The following SORBS3 variants were observed in gnomAD, a reference collection of about 807,000 sequenced individuals.
SORBS3 encodes the protein vinexin.
A neutral mutation model predicts 98.0 loss-of-function variants in SORBS3; 69 were observed. The ratio of observed to expected loss-of-function variants is 0.70; its 90% CI spans 0.58 to 0.86. SORBS3 has a LOEUF of 0.86. Ranked by LOEUF, SORBS3 falls within the 40% of genes least tolerant of loss-of-function variation. The pLI is 0.00. For synonymous variants in SORBS3, 394 were observed against 355.4 expected (o/e 1.11, Z -1.22); for missense variants, 954 against 908.5 (o/e 1.05, Z -0.64).
At chr8:22,569,849 G>T (rs1237026843) in intron 17 of SORBS3, among the ~76,000 whole-genome samples, 3 of 151,922 alleles carry the variant, frequency 2.0e-5, no homozygotes, top group African/African-American at 7.3e-5. Flanking sequence ...AGTAATTTTG[G>T]TCCATTTTTA....
chr8:22,565,624 C>T (rs916696683), intron 11 of SORBS3: 67 of 1,040,038 alleles, frequency 6.4e-5, no homozygotes, highest in Admixed American at 1.3e-4. Flanking sequence ...CCGTCCGGCC[C>T]CCGGGCCCCA....
At chr8:22,549,011 A>C (rs1448648641), upstream of SORBS3, among the ~76,000 whole-genome samples, 1 of 152,184 alleles carries the variant, frequency 6.6e-6, no homozygotes, top group African/African-American at 2.4e-5. Context: ...ACCCCTGTTG[A>C]CGGTGATGTT....
chr8:22,564,211 G>C, intron 8 of SORBS3, 72 bp from the exon 9 acceptor site: 1 of 1,506,618 alleles, frequency 6.6e-7, no homozygotes, highest in Non-Finnish European at 9.1e-7. Flanking sequence ...GGGCCTGCAA[G>C]CCTGCATTTT....
In SORBS3 at chr8:22,574,852, G is replaced by T; in HGVS notation, c.*124G>T. 1 of 941,650 alleles carries T rather than the reference G, an allele frequency of 1.1e-6. No individual in the cohort carries two copies. The highest frequency in any genetic ancestry group is 1.3e-5 in the South Asian group (1 of 76,984). The allele number at this position is 941,650 out of a possible 1,614,324, so 58.3% of individuals were successfully genotyped here. ...ACCTGAGCTCCCAGCATCTGCAGAC[G>T]ACCCCCGCAGCCTTTCCCTCGGACC... On this transcript the variant is annotated 3_prime_UTR_variant, in exon 21 of 21. Transcript: ENST00000240123.
chr8:22,562,040 C>A, intron 7 of SORBS3, 109 bp downstream of exon 7: 1 of 1,022,174 alleles, frequency 9.8e-7, no homozygotes, highest in South Asian at 1.3e-5. Context: ...GGAGCCCAGC[C>A]AGGAGTGGGG....
chr8:22,548,346 G>A (rs1041780513), upstream of SORBS3, among the ~76,000 whole-genome samples: 4 of 152,114 alleles, frequency 2.6e-5, no homozygotes, highest in Non-Finnish European at 5.9e-5. Flanking sequence ...AGAAAGGGAT[G>A]GAGCCCAGGG....
At chr8:22,552,650 C>A (rs577186281) in intron 1 of SORBS3, among the ~76,000 whole-genome samples, 7 of 152,142 alleles carry the variant, frequency 4.6e-5, no homozygotes, top group Non-Finnish European at 5.9e-5. Context: ...TCACCGAGCA[C>A]GAGGTGGGCG....
chr8:22,574,370 C>T (rs943295990), intron 20 of SORBS3, among the ~76,000 whole-genome samples: 3 of 151,146 alleles, frequency 2.0e-5, no homozygotes, highest in Admixed American at 2.0e-4. Flanking sequence ...GTGATTCCTC[C>T]TCCTGTGTCC....
At chr8:22,568,282 G>A (rs576295647) in intron 16 of SORBS3, among the ~76,000 whole-genome samples, 1 of 152,224 alleles carries the variant, frequency 6.6e-6, no homozygotes, top group South Asian at 2.1e-4. Context: ...ATTTCATTGA[G>A]TTCTGCTTCT....
In SORBS3 at chr8:22,554,524, C is replaced by A. The variant is rs372965024; in HGVS notation, c.18C>A (p.Arg6=). ...ACCCAAGCATGCAGGGCCCACCCCG[C>A]AGCCTCCGCGCTGGGCTCAGCCTGG... MQGPP[R]SLRAGLSLDD... Residue 6 remains arginine, a synonymous_variant, in exon 2 of 21, where the codon CGC becomes CGA. Coordinates refer to ENST00000240123, the MANE Select transcript of SORBS3 (RefSeq NM_005775.5). This position sits in a 1 kb window ranked among gnomAD's most constrained non-coding sequence, Gnocchi z 6.5. 6 of 1,612,192 alleles carry A rather than the reference C, an allele frequency of 3.7e-6. No individual in the cohort carries two copies. The African/African-American group carries it at 8.0e-5, about 22-fold the overall frequency.
Position 22,565,756 on chromosome 8 carries a change from G to T in SORBS3, c.904-70G>T. ...CCCCTCCCGAGCCGCGAACTTTTCC[G>T]GAGGCGGCGGCCTCGGCTGCCGCTG... is the stretch of plus-strand genomic sequence containing the variant. On this transcript the variant is annotated intron_variant, in intron 11 of 20. Transcript: ENST00000240123. The T allele has an allele frequency of 5.5e-6, 7 of 1,283,738 alleles. No homozygotes were observed. In the South Asian group the frequency reaches 1.6e-4, roughly 30 times the overall value. 79.5% of individuals were successfully genotyped at this position (1,283,738 alleles called of 1,614,324 possible).
intron 4 of SORBS3, among the ~76,000 whole-genome samples, chr8:22,557,454 T>C (rs1309955697): frequency 6.6e-6 from 1 of 152,120 alleles, no homozygotes; most frequent in Non-Finnish European, 1.5e-5. Context: ...TTTGAGGCTG[T>C]TTTGAGGCTT....
At position 22,560,979 on chromosome 8, in the gene SORBS3, G is replaced by A. The variant is rs559472162; in HGVS notation, c.479-356G>A. 4 of 241,768 alleles carry A rather than the reference G, an allele frequency of 1.7e-5. No homozygotes were observed. In the South Asian group the frequency reaches 6.1e-4, roughly 37 times the overall value. The allele number at this position is 241,768 out of a possible 1,614,324, so 15.0% of individuals were successfully genotyped here. A position where few individuals can be genotyped will look rare whatever the true frequency, so the allele number is the denominator to read the frequency against. On this transcript the variant is annotated intron_variant, in intron 5 of 20. Transcript: ENST00000240123. ...GCTAGGAGTGGGTCTTGGCAAATGG[G>A]GAAGGAAAGCGTTTGGAAGAGGGTG...
intron 5 of SORBS3, among the ~76,000 whole-genome samples, chr8:22,558,433 G>A (rs895167611): frequency 6.6e-6 from 1 of 152,172 alleles, no homozygotes; most frequent in Non-Finnish European, 1.5e-5. Flanking sequence ...GTCCTCTGAG[G>A]GGACTGAGAA....
chr8:22,569,057 C>T, intron 16 of SORBS3, 91 bp from the exon 17 acceptor site: 1 of 1,349,654 alleles, frequency 7.4e-7, no homozygotes, highest in Non-Finnish European at 9.8e-7. Flanking sequence ...TAGGGGCGGG[C>T]CCACCTTCTC....
At chr8:22,547,705 A>G (rs183806499), upstream of SORBS3, among the ~76,000 whole-genome samples, 4 of 152,082 alleles carry the variant, frequency 2.6e-5, no homozygotes, top group East Asian at 1.9e-4. Context: ...TATAAAATCT[A>G]CTTTCTAGAG....
chr8:22,564,999 C>T (rs1840374998), intron 10 of SORBS3: 3 of 1,378,550 alleles, frequency 2.2e-6, no homozygotes, highest in Non-Finnish European at 2.8e-6. Context: ...AGAGACACAA[C>T]TTGGCAGAAA....
chr8:22,550,178 C>T (rs138787559), upstream of SORBS3: 10 of 202,722 alleles, frequency 4.9e-5, 1 homozygote, highest in East Asian at 1.9e-4. Context: ...TGCACTGCTG[C>T]GTCCCTCAAG....
At chr8:22,561,747 C>T in intron 6 of SORBS3, 118 bp from the exon 7 acceptor site, 1 of 897,682 alleles carries the variant, frequency 1.1e-6, no homozygotes, top group Middle Eastern at 2.2e-4. Flanking sequence ...CCCCCACCAT[C>T]CACCCAGGAG....
Sources: allele counts gnomAD v4.1 joint callset (sites outside exome capture counted in the v4.1 genomes callset), GRCh38; gene constraint gnomAD v4.1.1; non-coding constraint Gnocchi (gnomAD v3.1); transcripts MANE v1.5; gene names NCBI Gene and HGNC (gene_info 2026-07-23, HGNC 2026-07-21).